The following OXR1 variants were observed in gnomAD, a reference collection of about 807,000 sequenced individuals.
The protein encoded by OXR1 is oxidation resistance 1.
Under a neutral mutation model 104.6 loss-of-function variants are expected in OXR1, and 41 were observed. The ratio of observed to expected loss-of-function variants is 0.39; its 90% CI spans 0.31 to 0.51. The LOEUF is 0.51. Ranked by LOEUF, OXR1 falls within the 20% of genes least tolerant of loss-of-function variation. OXR1 has a pLI of 0.77. For missense variants in OXR1, 955 were observed against 1,031.9 expected (o/e 0.93, Z 1.02); for synonymous variants, 348 against 348.4 (o/e 1.00, Z 0.01).
intron 7 of OXR1, among the ~76,000 whole-genome samples, chr8:106,701,991 A>T (rs1318557701): frequency 1.3e-5 from 2 of 152,164 alleles, no homozygotes; most frequent in African/African-American, 4.8e-5. Context: ...TTTTTTTGAG[A>T]TGGAGTCTCA....
In OXR1 at chr8:106,374,219, C is replaced by T. The variant is rs73698906; in HGVS notation, c.23+14583C>T. 7.5e-3 allele frequency among the ~76,000 whole-genome samples: 1,145 copies of T among 152,280 alleles called. 16 individuals carry two copies. Among genetic ancestry groups the T allele is most frequent in the African/African-American group, 0.025 (1,053 of 41,554 alleles). On this transcript the variant is annotated intron_variant, in intron 2 of 16. Transcript: ENST00000517566. ...GGAGCATGGCTAATCATCTTCTTCC[C>T]TGGATATTTGCCATTTGATGTCTGG...
At chr8:106,529,774 C>T (rs1310596577) in intron 3 of OXR1, among the ~76,000 whole-genome samples, 1 of 152,168 alleles carries the variant, frequency 6.6e-6, no homozygotes, top group Admixed American at 6.5e-5. Flanking sequence ...GGTATTATGT[C>T]TGAGCTACAG....
chr8:106,482,279 T>A (rs1822173759), intron 2 of OXR1, among the ~76,000 whole-genome samples: 2 of 151,896 alleles, frequency 1.3e-5, no homozygotes, highest in African/African-American at 4.8e-5. Flanking sequence ...GCCCCCAGAT[T>A]ATCTGGCAGA....
chr8:106,561,389 G>A (rs932280659), intron 3 of OXR1, among the ~76,000 whole-genome samples: 3 of 152,102 alleles, frequency 2.0e-5, no homozygotes, highest in African/African-American at 7.2e-5. Context: ...CCCCACCACG[G>A]TGCTGCAAAA....
chr8:106,327,789 C>G (rs1814533861), intron 1 of OXR1, among the ~76,000 whole-genome samples: 1 of 152,172 alleles, frequency 6.6e-6, no homozygotes, highest in East Asian at 1.9e-4. Context: ...AGTACCAGCT[C>G]ATAATTCAAG....
At chr8:106,555,518 G>A (rs903521974) in intron 3 of OXR1, among the ~76,000 whole-genome samples, 2 of 152,128 alleles carry the variant, frequency 1.3e-5, no homozygotes, top group African/African-American at 4.8e-5. Flanking sequence ...CTTTCACACA[G>A]CTGGTAGTAG....
chr8:106,606,159 G>A (rs1820367735), intron 3 of OXR1, among the ~76,000 whole-genome samples: 1 of 152,040 alleles, frequency 6.6e-6, no homozygotes, highest in Admixed American at 6.6e-5. Flanking sequence ...AGGCCCTGTG[G>A]GAGAATCCAT....
At chr8:106,428,465 T>C (rs1384571527) in intron 2 of OXR1, among the ~76,000 whole-genome samples, 2 of 152,158 alleles carry the variant, frequency 1.3e-5, no homozygotes, top group Admixed American at 6.5e-5. Context: ...GCAACTTCTG[T>C]TGTAGATAAA....
chr8:106,327,927 C>A (rs1394679622), intron 1 of OXR1, among the ~76,000 whole-genome samples: 2 of 152,182 alleles, frequency 1.3e-5, no homozygotes, highest in African/African-American at 4.8e-5. Flanking sequence ...AGGACTATTG[C>A]AGCTGCAAGT....
chr8:106,642,116 G>T (rs1181887690), intron 3 of OXR1, among the ~76,000 whole-genome samples: 1 of 152,014 alleles, frequency 6.6e-6, no homozygotes, highest in Non-Finnish European at 1.5e-5. Context: ...TGAGCTACAA[G>T]GAAGTACAAA....
intron 12 of OXR1, among the ~76,000 whole-genome samples, chr8:106,739,075 TACACAC>T (rs71307086): frequency 0.033 from 4,696 of 141,484 alleles, 113 homozygotes; most frequent in Middle Eastern, 0.094. Flanking sequence ...TTAAATAGCA[TACACAC>T]ACACACACAC....
Position 106,726,126 on chromosome 8 carries a change from A to T in OXR1, c.1957-11394A>T, listed in dbSNP as rs1833314678. 7.8e-6 allele frequency: 11 copies of T among 1,409,690 alleles called. No homozygotes were observed. In the South Asian group the frequency reaches 1.7e-4, roughly 22 times the overall value. 87.3% of individuals were successfully genotyped at this position (1,409,690 alleles called of 1,614,324 possible). ...TCAATCAAATCTTTGTCTCTAGCAA[A>T]CTGTTTTGTCACTGTAGTAAGGCTC... On this transcript the variant is annotated intron_variant, in intron 11 of 16. Coordinates refer to ENST00000517566, the MANE Select transcript of OXR1 (RefSeq NM_001198533.2).
At chr8:106,390,749 A>G (rs1817559916) in intron 2 of OXR1, among the ~76,000 whole-genome samples, 1 of 152,216 alleles carries the variant, frequency 6.6e-6, no homozygotes, top group Non-Finnish European at 1.5e-5. Flanking sequence ...TAATAATAGT[A>G]AAATAATTTA....
intron 1 of OXR1, among the ~76,000 whole-genome samples, chr8:106,314,705 C>T (rs750244916): frequency 3.9e-5 from 6 of 152,132 alleles, no homozygotes; most frequent in Non-Finnish European, 7.4e-5. Context: ...GGTACTCAAA[C>T]CCAGTTCATT....
In OXR1 at chr8:106,553,777, G is replaced by A. The variant is rs36007790; in HGVS notation, c.220+34638G>A. On this transcript the variant is annotated intron_variant, in intron 3 of 16. Transcript: ENST00000517566. ...CTTGCCTCCAGTTTTCTTAAGATTC[G>A]GCTCAAGTAGCATCGCTTCCAGGAG... 4.4e-3 allele frequency among the ~76,000 whole-genome samples: 675 copies of A among 151,996 alleles called. 2 individuals are homozygous for A. The highest frequency in any genetic ancestry group is 6.8e-3 in the Non-Finnish European group (460 of 67,988).
intron 3 of OXR1, among the ~76,000 whole-genome samples, chr8:106,570,894 G>T (rs1817424789): frequency 6.6e-6 from 1 of 152,006 alleles, no homozygotes; most frequent in Non-Finnish European, 1.5e-5. Context: ...ACTGAGTTTT[G>T]ACCTAAACAA....
intron 1 of OXR1, among the ~76,000 whole-genome samples, chr8:106,319,167 T>G (rs1814107295): frequency 6.6e-6 from 1 of 152,216 alleles, no homozygotes; most frequent in African/African-American, 2.4e-5. Context: ...GGGTTCTTAT[T>G]TCCATGAGAT....
Position 106,289,689 on chromosome 8 carries a change from A to G in OXR1, c.-139+19322A>G, listed in dbSNP as rs1812666462. On this transcript the variant is annotated intron_variant, in intron 1 of 16. Transcript: ENST00000517566. ...TGATTTCAAACTATCCTACAAAGCT[A>G]TAGTAACCAAAACAACACGGTACTG... Among the ~76,000 whole-genome samples, 6 of 152,344 alleles carry G rather than the reference A, an allele frequency of 3.9e-5. No homozygotes were observed. In the South Asian group the frequency reaches 8.3e-4, roughly 21 times the overall value.
intron 3 of OXR1, among the ~76,000 whole-genome samples, chr8:106,532,842 T>C (rs2130252320): frequency 6.6e-6 from 1 of 152,276 alleles, no homozygotes; most frequent in South Asian, 2.1e-4. Flanking sequence ...AATAAATGAG[T>C]GTTGAAGCTA....
Sources: gnomAD v4.1 joint callset for allele counts (sites outside exome capture counted in the v4.1 genomes callset) on GRCh38, gnomAD v4.1.1 for gene constraint, MANE v1.5 for transcripts, NCBI Gene and HGNC (gene_info 2026-07-23, HGNC 2026-07-21) for gene names.